The following PEX14 variants were observed in gnomAD, a reference collection of about 807,000 sequenced individuals.
PEX14 encodes peroxisomal membrane protein PEX14.
In PEX14, 15 loss-of-function variants were observed where a neutral mutation model predicts 49.5. That is an observed-to-expected ratio of 0.30 (90% CI 0.20 to 0.47). The LOEUF is 0.47. PEX14 is among the 20% of genes least tolerant of loss of function. The pLI, the probability that PEX14 is intolerant of heterozygous loss-of-function variation, is 1.00. For synonymous variants in PEX14, 210 were observed against 212.7 expected, an observed-to-expected ratio of 0.99 and a Z score of 0.11; for missense variants, 398 against 494.8, an observed-to-expected ratio of 0.80 and a Z score of 1.86.
At chr1:10,575,203 T>C (rs1020804406) in intron 3 of PEX14, among the ~76,000 whole-genome samples, 1 of 152,198 alleles carries the variant, frequency 6.6e-6, no homozygotes, top group Non-Finnish European at 1.5e-5. Flanking sequence ...CAAAGTTCAA[T>C]GTACCTAGAA....
chr1:10,487,481 C>CTTTTTTTTTTTTTT (rs33968565), intron 1 of PEX14, among the ~76,000 whole-genome samples: 152 of 86,752 alleles, frequency 1.8e-3, no homozygotes, highest in African/African-American at 2.2e-3. Context: ...TTCTTTCTTT[C>CTTTTTTTTTTTTTT]TTTTTTTTTT....
At chr1:10,480,638 C>T (rs1641267501) in intron 1 of PEX14, among the ~76,000 whole-genome samples, 1 of 151,962 alleles carries the variant, frequency 6.6e-6, no homozygotes, top group South Asian at 2.1e-4. Flanking sequence ...TCAGGTGATC[C>T]ACCTGCCTCG....
At chr1:10,520,181 A>C (rs1638238296) in intron 2 of PEX14, among the ~76,000 whole-genome samples, 1 of 82,132 alleles carries the variant, frequency 1.2e-5, no homozygotes, top group Non-Finnish European at 2.8e-5. Context: ...AACTAGAGAC[A>C]AGGTCTCACT....
At chr1:10,501,923 C>G (rs978572705) in intron 2 of PEX14, among the ~76,000 whole-genome samples, 2 of 151,968 alleles carry the variant, frequency 1.3e-5, no homozygotes, top group African/African-American at 2.4e-5. Flanking sequence ...AACCCACCCC[C>G]CTGCCCAAAC....
intron 2 of PEX14, among the ~76,000 whole-genome samples, chr1:10,508,559 T>C (rs1225599760): frequency 6.6e-6 from 1 of 151,916 alleles, no homozygotes; most frequent in Non-Finnish European, 1.5e-5. Flanking sequence ...CTTGTCAGAG[T>C]GAGTCCCAGC....
At position 10,554,318 on chromosome 1, in the gene PEX14, A is replaced by AG. The variant is rs1460058973; in HGVS notation, c.169+18021_169+18022insG. 4.7e-3 allele frequency among the ~76,000 whole-genome samples: 708 copies of AG among 151,192 alleles called. 3 individuals are homozygous for AG. Among genetic ancestry groups the AG allele is most frequent in the African/African-American group, 0.016 (666 of 41,204 alleles). On this transcript the variant is annotated intron_variant, in intron 3 of 8. Transcript: ENST00000356607. ...GACTCCGTCTCAAAAAAAAAAAAAA[A>AG]AGAGAAGTTTACAAAATGTGTGGAG...
chr1:10,480,833 C>G (rs1371150047), intron 1 of PEX14, among the ~76,000 whole-genome samples: 1 of 141,086 alleles, frequency 7.1e-6, no homozygotes, highest in Non-Finnish European at 1.5e-5. Flanking sequence ...GTCAGTCTCT[C>G]TCTCTCTTTC....
chr1:10,564,678 C>T (rs1320591232), intron 3 of PEX14, among the ~76,000 whole-genome samples: 1 of 150,308 alleles, frequency 6.7e-6, no homozygotes, highest in Non-Finnish European at 1.5e-5. Context: ...AGTGATGCCA[C>T]CTGCCTTGGC....
intron 2 of PEX14, among the ~76,000 whole-genome samples, chr1:10,523,880 G>T (rs1638383229): frequency 1.4e-5 from 2 of 147,694 alleles, no homozygotes; most frequent in South Asian, 2.1e-4. Context: ...GGAACCAAAA[G>T]TCTAGAAAAT....
At chr1:10,565,971 ATGTC>A (rs1346694135) in intron 3 of PEX14, among the ~76,000 whole-genome samples, 6 of 152,218 alleles carry the variant, frequency 3.9e-5, no homozygotes, top group Non-Finnish European at 1.5e-5. Flanking sequence ...ATTTATTTAC[ATGTC>A]TGTCTATTTA....
Position 10,495,057 on chromosome 1 carries a change from A to G in PEX14, c.37-217A>G. 2 of 976,234 alleles carry G rather than the reference A, an allele frequency of 2.0e-6. No homozygotes were observed. The highest frequency in any genetic ancestry group is 2.4e-6 in the Non-Finnish European group (2 of 821,648). The allele number at this position is 976,234 out of a possible 1,614,324, so 60.5% of individuals were successfully genotyped here. ...GTTCTTGGAGTGGTGTGACAAGTGAACCCAGAAACAGTCTTCATCTTCCCT... is the reference window on the plus strand; with the variant it reads ...GTTCTTGGAGTGGTGTGACAAGTGAGCCCAGAAACAGTCTTCATCTTCCCT... On this transcript the variant is annotated intron_variant, in intron 1 of 8. Coordinates refer to ENST00000356607, the MANE Select transcript of PEX14 (RefSeq NM_004565.3). The surrounding 1 kb of genome is among the most constrained non-coding windows in gnomAD (Gnocchi z 4.2).
At chr1:10,585,991 A>G (rs534704819) in intron 3 of PEX14, among the ~76,000 whole-genome samples, 45 of 152,252 alleles carry the variant, frequency 3.0e-4, no homozygotes, top group Non-Finnish European at 6.0e-4. Flanking sequence ...ATAGTTACAC[A>G]CCTAACAAAC....
chr1:10,556,004 G>A (rs1470260749), intron 3 of PEX14, among the ~76,000 whole-genome samples: 1 of 152,104 alleles, frequency 6.6e-6, no homozygotes, highest in South Asian at 2.1e-4. Context: ...AGTCCATCTC[G>A]GTGGGCTGGC....
At chr1:10,583,843 T>A (rs1364879682) in intron 3 of PEX14, among the ~76,000 whole-genome samples, 1 of 152,004 alleles carries the variant, frequency 6.6e-6, no homozygotes, top group Non-Finnish European at 1.5e-5. Context: ...TGCAGAAGCT[T>A]GAAGAGGAAG....
At chr1:10,523,314 C>T (rs1021091197) in intron 2 of PEX14, among the ~76,000 whole-genome samples, 3 of 152,058 alleles carry the variant, frequency 2.0e-5, no homozygotes, top group African/African-American at 7.3e-5. Context: ...TTTGTAATAT[C>T]TTTTTTGGCT....
chr1:10,519,145 C>T (rs187659415), intron 2 of PEX14, among the ~76,000 whole-genome samples: 5 of 152,260 alleles, frequency 3.3e-5, no homozygotes, highest in African/African-American at 1.2e-4. Context: ...AGTAGAGGGC[C>T]TCCCCCTAAC....
intron 4 of PEX14, among the ~76,000 whole-genome samples, chr1:10,608,677 A>C (rs1641190098): frequency 8.1e-6 from 1 of 123,700 alleles, no homozygotes; most frequent in Non-Finnish European, 1.9e-5. Context: ...AAAAAAAGAA[A>C]AAAAAAAAAT....
At chr1:10,564,183 C>CTT (rs76108052) in intron 3 of PEX14, among the ~76,000 whole-genome samples, 149,835 of 152,144 alleles carry the variant, frequency 0.98, 73,823 homozygotes, top group East Asian at 1. Context: ...ATTATTCTCT[C>CTT]TTAATATTGT....
chr1:10,552,179 C>G (rs533204191), intron 3 of PEX14, among the ~76,000 whole-genome samples: 1 of 152,168 alleles, frequency 6.6e-6, no homozygotes, highest in Non-Finnish European at 1.5e-5. Context: ...TGTGGTGGCT[C>G]ATGCCAGTAA....
Sources: gnomAD v4.1 joint callset for allele counts (sites outside exome capture counted in the v4.1 genomes callset) on GRCh38, gnomAD v4.1.1 for gene constraint, Gnocchi (gnomAD v3.1) non-coding constraint, MANE v1.5 for transcripts, NCBI Gene and HGNC (gene_info 2026-07-23, HGNC 2026-07-21) for gene names.